The following NAV2 variants were observed in gnomAD, a reference collection of about 807,000 sequenced individuals.
NAV2 encodes neuron navigator 2, also known as helicase, APC down-regulated 1.
NAV2 carries 54 observed loss-of-function variants against 223.2 expected under a neutral mutation model. The ratio of observed to expected loss-of-function variants is 0.24; its 90% CI spans 0.19 to 0.30. The LOEUF (loss-of-function observed/expected upper bound fraction) is 0.30. Among genes scored for constraint, NAV2 ranks in the 10% least tolerant of loss-of-function variants. NAV2 has a pLI of 1.00. For synonymous variants in NAV2, 1,279 were observed against 1,239.3 expected (o/e 1.03, Z -0.67); for missense variants, 2,806 against 3,147.5 (o/e 0.89, Z 2.60).
intron 1 of NAV2, among the ~76,000 whole-genome samples, chr11:19,723,551 C>G (rs534497636): frequency 1.3e-5 from 2 of 152,256 alleles, no homozygotes; most frequent in Non-Finnish European, 2.9e-5. Context: ...CTACTCCCTG[C>G]TTCCCTGGTC....
intron 5 of NAV2, among the ~76,000 whole-genome samples, chr11:19,891,574 A>G (rs2041499206): frequency 6.6e-6 from 1 of 152,220 alleles, no homozygotes; most frequent in African/African-American, 2.4e-5. Flanking sequence ...AGAATATATG[A>G]TGTTATCCAT....
intron 1 of NAV2, among the ~76,000 whole-genome samples, chr11:19,559,531 T>C (rs534598593): frequency 6.6e-6 from 1 of 152,352 alleles, no homozygotes; most frequent in South Asian, 2.1e-4. Context: ...AGATTTTAAT[T>C]TGAACTTCAT....
At chr11:19,796,648 C>T (rs2057918864) in intron 1 of NAV2, among the ~76,000 whole-genome samples, 2 of 152,170 alleles carry the variant, frequency 1.3e-5, no homozygotes, top group African/African-American at 2.4e-5. Flanking sequence ...TAAGCCACAC[C>T]ACCTCTCTGT....
intron 3 of NAV2, among the ~76,000 whole-genome samples, chr11:19,843,664 C>T (rs2060625230): frequency 6.6e-6 from 1 of 151,088 alleles, no homozygotes. Flanking sequence ...TTTTCAGAGT[C>T]TGTTAAGATA....
chr11:19,432,193 C>T (rs533373175), intron 1 of NAV2, among the ~76,000 whole-genome samples: 14 of 87,564 alleles, frequency 1.6e-4, no homozygotes, highest in South Asian at 4.3e-4. Context: ...AGCAAAACTC[C>T]GACCAAAAAA....
chr11:19,891,454 C>T (rs2041492273), intron 5 of NAV2, among the ~76,000 whole-genome samples: 1 of 152,176 alleles, frequency 6.6e-6, no homozygotes, highest in African/African-American at 2.4e-5. Flanking sequence ...TCTTTAGACA[C>T]ATTATGGATG....
At chr11:19,590,588 G>A (rs1002536946) in intron 1 of NAV2, among the ~76,000 whole-genome samples, 10 of 152,176 alleles carry the variant, frequency 6.6e-5, no homozygotes, top group Admixed American at 6.5e-4. Context: ...TGGAAAAGCT[G>A]TCTTTTACAG....
chr11:19,772,063 T>C (rs542511888), intron 1 of NAV2, among the ~76,000 whole-genome samples: 2 of 152,336 alleles, frequency 1.3e-5, no homozygotes, highest in African/African-American at 4.8e-5. Context: ...ATTAGTGCTT[T>C]TCTTAAATTC....
chr11:19,543,166 T>C (rs1365641154), intron 1 of NAV2, among the ~76,000 whole-genome samples: 1 of 152,258 alleles, frequency 6.6e-6, no homozygotes, highest in Non-Finnish European at 1.5e-5. Flanking sequence ...AAATCCCTGC[T>C]CTGCCATTTC....
chr11:20,045,005 G>C lies in NAV2; in HGVS notation c.3237G>C (p.Arg1079Ser), dbSNP rs752882204. 2.0e-5 allele frequency: 32 copies of C among 1,613,358 alleles called. No homozygotes were observed. The highest frequency in any genetic ancestry group is 1.6e-4 in the Middle Eastern group (1 of 6,076). ...ACGCAAAGGTGTCTGAGAAAGGAAG[G>C]CTTTCTCCTAAAGCCTCCCAGGTGA... is the stretch of plus-strand genomic sequence containing the variant. Reference protein sequence around the residue: ...TDDAKVSEKGRLSPKASQVKR... With the variant: ...TDDAKVSEKGSLSPKASQVKR... Residue 1079 changes from arginine (R) to serine (S), a missense_variant, in exon 14 of 38, where the codon AGG (arginine) becomes AGC (serine). Around this residue, in one of 4 missense-constraint regions of NAV2, gnomAD observed 742 missense variants for 777.9 expected, o/e 0.95. Coordinates refer to ENST00000349880, the MANE Select transcript of NAV2 (RefSeq NM_145117.5).
chr11:19,460,543 G>A (rs762902057), intron 1 of NAV2, among the ~76,000 whole-genome samples: 17 of 150,994 alleles, frequency 1.1e-4, no homozygotes, highest in East Asian at 3.9e-4. Context: ...GCAAACTATC[G>A]CAAGGACAAA....
intron 1 of NAV2, among the ~76,000 whole-genome samples, chr11:19,459,029 G>A (rs533600181): frequency 3.3e-5 from 5 of 152,378 alleles, no homozygotes; most frequent in African/African-American, 9.6e-5. Flanking sequence ...GGAGATGAGC[G>A]TGGGAAGGCG....
chr11:19,766,149 G>A (rs1162192663), intron 1 of NAV2, among the ~76,000 whole-genome samples: 3 of 151,820 alleles, frequency 2.0e-5, no homozygotes, highest in Non-Finnish European at 4.4e-5. Context: ...TACATATAAG[G>A]ACAATTCTGC....
intron 6 of NAV2, among the ~76,000 whole-genome samples, chr11:19,911,403 C>T (rs940241432): frequency 1.3e-5 from 2 of 152,118 alleles, no homozygotes; most frequent in African/African-American, 4.8e-5. Flanking sequence ...TAAAAGGGGA[C>T]ATGGCATGAT....
chr11:19,363,728 A>C (rs745603386), intron 1 of NAV2, among the ~76,000 whole-genome samples: 9 of 152,196 alleles, frequency 5.9e-5, no homozygotes, highest in Non-Finnish European at 1.2e-4. Context: ...TGCCAATTGC[A>C]TGTCTAGACC....
At position 20,090,895 on chromosome 11, in the gene NAV2, G is replaced by C. The variant is rs747701073; in HGVS notation, c.5529G>C (p.Glu1843Asp). ...CAGAATGCATGGATAGTGAAGCTGA[G>C]ACCGTCATGCAGCTCCGAAATGAGT... ...LISECMDSEA[E>D]TVMQLRNELR... The change falls in exon 27 of 38, where the codon GAG becomes GAC. Residue 1843 changes from glutamate to aspartate, a missense_variant. Transcript: ENST00000349880. 2 of 1,614,042 alleles carry C rather than the reference G, an allele frequency of 1.2e-6. No individual in the cohort carries two copies. The highest frequency in any genetic ancestry group is 1.7e-6 in the Non-Finnish European group (2 of 1,179,944).
chr11:20,105,434 A>T, intron 34 of NAV2, 97 bp from the exon 35 acceptor site: 1 of 964,366 alleles, frequency 1.0e-6, no homozygotes. Flanking sequence ...TTGCATTAGC[A>T]TATACACCTT....
intron 1 of NAV2, among the ~76,000 whole-genome samples, chr11:19,625,398 A>G (rs1273706139): frequency 6.6e-6 from 1 of 152,120 alleles, no homozygotes; most frequent in Admixed American, 6.5e-5. Flanking sequence ...TTTCTTTTTT[A>G]TGGCTGAATA....
At chr11:19,699,775 G>A (rs999429194) in intron 1 of NAV2, among the ~76,000 whole-genome samples, 1 of 152,190 alleles carries the variant, frequency 6.6e-6, no homozygotes, top group Admixed American at 6.5e-5. Context: ...ATCCAGGACT[G>A]CAATGAGAAA....
Sources: allele counts gnomAD v4.1 joint callset (sites outside exome capture counted in the v4.1 genomes callset), GRCh38; gene constraint gnomAD v4.1.1; regional missense constraint gnomAD v4.1.1; transcripts MANE v1.5; gene names NCBI Gene and HGNC (gene_info 2026-07-23, HGNC 2026-07-21).